Variants in ROCK2 observed in about 807,000 individuals in gnomAD.
ROCK2 encodes Rho associated coiled-coil containing protein kinase 2.
In ROCK2, 61 loss-of-function variants were observed where a neutral mutation model predicts 195.1. That is an observed-to-expected ratio of 0.31 (90% CI 0.25 to 0.39). ROCK2 has a LOEUF of 0.39. Ranked by LOEUF, ROCK2 falls within the 10% of genes least tolerant of loss-of-function variation. The probability of loss-of-function intolerance (pLI) is 1.00; values close to 1 mark genes in which losing one functional copy is unlikely to be tolerated. For missense variants in ROCK2, 1,109 were observed against 1,637.4 expected (o/e 0.68, Z 5.57); for synonymous variants, 504 against 545.5 (o/e 0.92, Z 1.06).
chr2:11,284,572 C>CT (rs1194846424), intron 3 of ROCK2, among the ~76,000 whole-genome samples: 2 of 151,958 alleles, frequency 1.3e-5, no homozygotes, highest in African/African-American at 4.8e-5. Flanking sequence ...AAACTAAAGT[C>CT]TTTTTTTAAA....
At chr2:11,343,746 T>G (rs1274058455) in intron 1 of ROCK2, among the ~76,000 whole-genome samples, 2 of 152,120 alleles carry the variant, frequency 1.3e-5, no homozygotes, top group Non-Finnish European at 2.9e-5. Flanking sequence ...TTCCTCCCAG[T>G]GCTGCAAGAA....
chr2:11,235,067 C>G lies in ROCK2; in HGVS notation c.723+635G>C, dbSNP rs1410749193. Among the ~76,000 whole-genome samples, 2 of 152,040 alleles carry G rather than the reference C, an allele frequency of 1.3e-5. No individual in the cohort carries two copies. The highest frequency in any genetic ancestry group is 4.8e-5 in the African/African-American group (2 of 41,398). On this transcript the variant is annotated intron_variant, in intron 5 of 32. Coordinates refer to ENST00000315872, the MANE Select transcript of ROCK2 (RefSeq NM_004850.5). This position sits in a 1 kb window ranked among gnomAD's most constrained non-coding sequence, Gnocchi z 4.2. ...TAATACAAAGGAAACAGAACCGATC[C>G]CTCTCCATCAAGAATTACTTACTGC...
At chr2:11,237,528 T>C (rs1207360416) in intron 4 of ROCK2, among the ~76,000 whole-genome samples, 4 of 152,164 alleles carry the variant, frequency 2.6e-5, no homozygotes, top group Non-Finnish European at 5.9e-5. Context: ...TAGGGCTAAA[T>C]TTTCAGAAAT....
intron 1 of ROCK2, among the ~76,000 whole-genome samples, chr2:11,315,588 T>G (rs1668167063): frequency 6.6e-6 from 1 of 152,094 alleles, no homozygotes; most frequent in Admixed American, 6.6e-5. Context: ...ATAATAAACT[T>G]CTAAAAACAT....
At chr2:11,299,855 A>C (rs1558373466) in intron 1 of ROCK2, among the ~76,000 whole-genome samples, 1 of 152,242 alleles carries the variant, frequency 6.6e-6, no homozygotes, top group African/African-American at 2.4e-5. Context: ...CCAGGAGGCA[A>C]CAGTTCTTTC....
intron 1 of ROCK2, among the ~76,000 whole-genome samples, chr2:11,310,488 C>A (rs1667997698): frequency 6.6e-6 from 1 of 152,134 alleles, no homozygotes; most frequent in Non-Finnish European, 1.5e-5. Context: ...GCGTACACAA[C>A]TCATTGACTC....
At position 11,249,754 on chromosome 2, in the gene ROCK2, A is replaced by G; in HGVS notation, c.369T>C (p.Leu123=). 1 of 1,584,572 alleles carries G rather than the reference A, an allele frequency of 6.3e-7. No homozygotes were observed. The highest frequency in any genetic ancestry group is 1.2e-5 in the South Asian group (1 of 81,766). ...ASQKVYAMKL[L]SKFEMIKRSD... is the part of the protein sequence containing the mutation. ...ATCTTTTTATCATTTCAAACTTACT[A>G]AGAAGCTTCATAGCATAAACCTTCT... Residue 123 remains leucine (L), a synonymous_variant, in exon 4 of 33, where the codon CTT becomes CTC. Coordinates refer to ENST00000315872, the MANE Select transcript of ROCK2 (RefSeq NM_004850.5).
chr2:11,207,977 G>A, intron 19 of ROCK2, 67 bp from the exon 20 acceptor site: 2 of 1,217,764 alleles, frequency 1.6e-6, no homozygotes, highest in South Asian at 2.6e-5. Flanking sequence ...AATGAAGTTG[G>A]TATAAAATAT....
At chr2:11,187,783 G>A (rs1663252433) in intron 32 of ROCK2, among the ~76,000 whole-genome samples, 1 of 152,094 alleles carries the variant, frequency 6.6e-6, no homozygotes, top group African/African-American at 2.4e-5. Flanking sequence ...CCCAATTCAA[G>A]ATCAGGTATA....
rs566088743 is a variant in ROCK2, at chr2:11,239,574, T to C, written c.463-3612A>G. Among the ~76,000 whole-genome samples the C allele has an allele frequency of 1.9e-3, 287 of 152,298 alleles. 3 individuals carry two copies. The highest frequency in any genetic ancestry group is 0.017 in the South Asian group (84 of 4,824). On this transcript the variant is annotated intron_variant, in intron 4 of 32. Coordinates refer to ENST00000315872, the MANE Select transcript of ROCK2 (RefSeq NM_004850.5). ...TCTGCCAAAGACTAATAAGCAAATA[T>C]TCATATCGGCATTATTCATTATTCA... is the stretch of plus-strand genomic sequence containing the variant.
intron 3 of ROCK2, among the ~76,000 whole-genome samples, chr2:11,268,981 T>A (rs927058789): frequency 3.3e-5 from 5 of 152,212 alleles, no homozygotes; most frequent in Admixed American, 3.3e-4. Flanking sequence ...GACTCAGTAA[T>A]CTTCATTTTA....
At chr2:11,312,683 T>C (rs912957299) in intron 1 of ROCK2, among the ~76,000 whole-genome samples, 1 of 152,110 alleles carries the variant, frequency 6.6e-6, no homozygotes, top group African/African-American at 2.4e-5. Flanking sequence ...CTAAAACCTG[T>C]ATACAAATGT....
intron 17 of ROCK2, among the ~76,000 whole-genome samples, chr2:11,212,199 G>C (rs902410639): frequency 2.0e-5 from 3 of 152,180 alleles, no homozygotes; most frequent in Admixed American, 1.3e-4. Flanking sequence ...TTATAGGTGT[G>C]GGCCATGGTG....
chr2:11,299,624 A>C (rs1667644416), intron 1 of ROCK2, among the ~76,000 whole-genome samples: 1 of 152,222 alleles, frequency 6.6e-6, no homozygotes, highest in South Asian at 2.1e-4. Context: ...AACCAGGAGC[A>C]GGTCTTTCTG....
intron 3 of ROCK2, among the ~76,000 whole-genome samples, chr2:11,260,947 T>C (rs1192118478): frequency 6.6e-6 from 1 of 152,234 alleles, no homozygotes; most frequent in East Asian, 1.9e-4. Context: ...AATAATCTAT[T>C]ACTTGTGAAC....
At position 11,183,407 on chromosome 2, in the gene ROCK2, T is replaced by G. The variant is rs371132266; in HGVS notation, c.*30A>C. ...TTTTCACTGGAAGAATACGATCACC[T>G]TGAATAATGACTGCTTTCATAGAAG... On this transcript the variant is annotated 3_prime_UTR_variant, in exon 33 of 33. Transcript: ENST00000315872. 1 of 1,586,316 alleles carries G rather than the reference T, an allele frequency of 6.3e-7. No homozygotes were observed. The highest frequency in any genetic ancestry group is 8.6e-7 in the Non-Finnish European group (1 of 1,163,394).
At chr2:11,295,744 G>A (rs561191375) in intron 1 of ROCK2, among the ~76,000 whole-genome samples, 3 of 152,120 alleles carry the variant, frequency 2.0e-5, no homozygotes, top group African/African-American at 7.2e-5. Context: ...ATCACCTGAG[G>A]TCAGGAGTTT....
chr2:11,317,394 C>A (rs1261719834), intron 1 of ROCK2, among the ~76,000 whole-genome samples: 1 of 151,034 alleles, frequency 6.6e-6, no homozygotes, highest in African/African-American at 2.4e-5. Context: ...TCTACCAACG[C>A]AACTGTTACA....
In ROCK2 at chr2:11,336,596, G is replaced by A. The variant is rs115795494; in HGVS notation, c.141+7400C>T. Among the ~76,000 whole-genome samples the A allele has an allele frequency of 4.2e-3, 644 of 152,256 alleles. 3 individuals are homozygous for A. Among genetic ancestry groups the A allele is most frequent in the African/African-American group, 0.014 (580 of 41,556 alleles). Reference sequence around the variant, plus strand: ...AGCATGGGTTAAACAATAGAACCAGGACTGATGATCCGGTGTAGCTACTAA... The same window carrying A: ...AGCATGGGTTAAACAATAGAACCAGAACTGATGATCCGGTGTAGCTACTAA... On this transcript the variant is annotated intron_variant, in intron 1 of 32. Coordinates refer to ENST00000315872, the MANE Select transcript of ROCK2 (RefSeq NM_004850.5).
Sources: gnomAD v4.1 joint callset for allele counts (sites outside exome capture counted in the v4.1 genomes callset) on GRCh38, gnomAD v4.1.1 for gene constraint, Gnocchi (gnomAD v3.1) non-coding constraint, MANE v1.5 for transcripts, NCBI Gene and HGNC (gene_info 2026-07-23, HGNC 2026-07-21) for gene names.